Variants in MYH7 observed in about 807,000 individuals in gnomAD.
MYH7 encodes the protein myosin-7.
Under a neutral mutation model 225.4 loss-of-function variants are expected in MYH7, and 129 were observed. That is an observed-to-expected ratio of 0.57 (90% CI 0.50 to 0.66). The LOEUF (loss-of-function observed/expected upper bound fraction) is 0.66, where lower values mean the gene tolerates loss of function less well. Ranked by LOEUF, MYH7 falls within the 30% of genes least tolerant of loss-of-function variation. MYH7 has a pLI of 0.00. For synonymous variants in MYH7, 971 were observed against 1,007.6 expected, an observed-to-expected ratio of 0.96 and a Z score of 0.69; for missense variants, 1,649 against 2,517.0, an observed-to-expected ratio of 0.66 and a Z score of 7.38.
rs1595084560 is a variant in MYH7, at chr14:23,426,842, G to T, written c.1979C>A (p.Thr660Asn). 6.2e-7 allele frequency: 1 copy of T among 1,614,048 alleles called. No homozygotes were observed. Among genetic ancestry groups the T allele is most frequent in the Non-Finnish European group, 8.5e-7 (1 of 1,180,012 alleles). The change falls in exon 18 of 40, where the codon ACC becomes AAC. Residue 660 changes from threonine (T) to asparagine (N), a missense_variant. Thr to Asn is a moderately conservative substitution (Grantham distance 65). Around this residue, in one of 12 missense-constraint regions of MYH7, gnomAD observed 112 missense variants for 161.9 expected, o/e 0.69. Coordinates refer to ENST00000355349, the MANE Select transcript of MYH7 (RefSeq NM_000257.4). ...GTGGGGATGGGTGGAGCGCAAGTTG[G>T]TCATCAGCTTGTTCAGATTTTCCTG... ...LHRENLNKLM[T>N]NLRSTHPHFV...
Position 23,419,975 on chromosome 14 carries a change from C to G in MYH7, c.3596G>C (p.Ser1199Thr), listed in dbSNP as rs1341157676. ...GATCTGCTCGCCCAGCTCGGCCACG[C>G]TGTCGGCGTGCTTCTTGCGCAGGGC... ...AAALRKKHAD[S>T]VAELGEQIDN... The change falls in exon 27 of 40, where the codon AGC becomes ACC. Residue 1199 changes from serine to threonine, a missense_variant. Ser to Thr is a moderately conservative substitution (Grantham distance 58). Transcript: ENST00000355349. 1 of 1,605,784 alleles carries G rather than the reference C, an allele frequency of 6.2e-7. No individual in the cohort carries two copies. Among genetic ancestry groups the G allele is most frequent in the South Asian group, 1.1e-5 (1 of 90,882 alleles).
chr14:23,431,357 G>A (rs1283607483), intron 9 of MYH7, 61 bp downstream of exon 9: 3 of 1,531,722 alleles, frequency 2.0e-6, no homozygotes, highest in Non-Finnish European at 2.7e-6. Context: ...GAGAGGTCAA[G>A]ACCAGATGGT....
At chr14:23,423,747 C>T (rs1388303761) in intron 23 of MYH7, 24 bp from the exon 24 acceptor site, 1 of 1,613,874 alleles carries the variant, frequency 6.2e-7, no homozygotes, top group Non-Finnish European at 8.5e-7. Flanking sequence ...ATCCCATCTC[C>T]TTTAGGGTCA....
chr14:23,422,477 A>G (rs1892513634), intron 24 of MYH7, 152 bp from the exon 25 acceptor site: 1 of 971,414 alleles, frequency 1.0e-6, no homozygotes, highest in Non-Finnish European at 1.6e-6. Flanking sequence ...GGACTGTGAG[A>G]TTGCCTAGAT....
chr14:23,429,468 G>T, intron 12 of MYH7, 121 bp from the exon 13 acceptor site: 4 of 1,044,584 alleles, frequency 3.8e-6, no homozygotes, highest in Non-Finnish European at 5.8e-6. Flanking sequence ...TTGAGGTCAG[G>T]AGTTTGAGAC....
Position 23,412,834 on chromosome 14 carries a change from C to T in MYH7, c.*20G>A, listed in dbSNP as rs45548631. On this transcript the variant is annotated 3_prime_UTR_variant, in exon 40 of 40. Transcript: ENST00000355349. The stretch of plus-strand genomic sequence containing the variant: ...CTTTGCTGGCACCTCCAGGGCTGAG[C>T]AGATCAAGATGTGGCAAAGCTACTC... 6.5e-3 allele frequency: 10,536 copies of T among 1,613,934 alleles called. 46 individuals are homozygous for T. Among genetic ancestry groups the T allele is most frequent in the Non-Finnish European group, 8.1e-3 (9,593 of 1,179,850 alleles).
Position 23,433,337 on chromosome 14 carries a change from C to T in MYH7, c.202-110G>A, listed in dbSNP as rs568980149. 2.1e-5 allele frequency: 32 copies of T among 1,535,226 alleles called. No individual in the cohort carries two copies. In the African/African-American group the frequency reaches 3.7e-4, roughly 18 times the overall value. ...GCAATAGTGCTCAAGAGAGAAGGAA[C>T]CAGGATCTCACAGGGAAGACAGAAG... On this transcript the variant is annotated intron_variant, in intron 3 of 39. Coordinates refer to ENST00000355349, the MANE Select transcript of MYH7 (RefSeq NM_000257.4). This position sits in a 1 kb window ranked among gnomAD's most constrained non-coding sequence, Gnocchi z 4.1.
At chr14:23,428,357 A>G in intron 15 of MYH7, 143 bp downstream of exon 15, 3 of 1,383,020 alleles carry the variant, frequency 2.2e-6, no homozygotes, top group Non-Finnish European at 3.0e-6. Context: ...GCTCAGCACA[A>G]CATAGGCTCT....
chr14:23,422,461 AT>A, intron 24 of MYH7, 136 bp from the exon 25 acceptor site: 1 of 1,128,768 alleles, frequency 8.9e-7, no homozygotes, highest in Non-Finnish European at 1.3e-6. Context: ...GCCAAATGTT[AT>A]TAGGGGACTG....
rs1171156341 is a variant in MYH7, at chr14:23,412,851, A to T, written c.*3T>A. ...GGGCTGAGCAGATCAAGATGTGGCA[A>T]AGCTACTCCTCATTCAAGCCCTTTT... On this transcript the variant is annotated 3_prime_UTR_variant, in exon 40 of 40. Transcript: ENST00000355349. 6.2e-7 allele frequency: 1 copy of T among 1,614,110 alleles called. No individual in the cohort carries two copies. Among genetic ancestry groups the T allele is most frequent in the Non-Finnish European group, 8.5e-7 (1 of 1,179,992 alleles).
intron 24 of MYH7, 122 bp from the exon 25 acceptor site, chr14:23,422,447 G>C: frequency 3.7e-6 from 5 of 1,347,474 alleles, no homozygotes; most frequent in Non-Finnish European, 5.2e-6. Context: ...CTTCCCCAGA[G>C]TGGGCCAAAT....
Position 23,432,715 on chromosome 14 carries a change from G to A in MYH7, c.426C>T (p.Tyr142=). ...GGGCCTCGCTCCTCTTCTTGCCCCG[G>A]TAGGCAGCCACCACCTCAGGAGTGT... The part of the protein sequence containing the change: ...PVYTPEVVAA[Y]RGKKRSEAPP... The change falls in exon 5 of 40, where the codon TAC becomes TAT. Residue 142 remains tyrosine, a synonymous_variant. Coordinates refer to ENST00000355349, the MANE Select transcript of MYH7 (RefSeq NM_000257.4). 1 of 1,614,194 alleles carries A rather than the reference G, an allele frequency of 6.2e-7. No homozygotes were observed. Among genetic ancestry groups the A allele is most frequent in the Non-Finnish European group, 8.5e-7 (1 of 1,180,030 alleles).
intron 30 of MYH7, 135 bp from the exon 31 acceptor site, chr14:23,417,821 C>G: frequency 7.9e-7 from 1 of 1,265,832 alleles, no homozygotes; most frequent in Non-Finnish European, 1.1e-6. Context: ...GGACAGGTCC[C>G]AGGGGCCGAG....
At chr14:23,418,981 G>A (rs1434121405) in intron 29 of MYH7, among the ~76,000 whole-genome samples, 196 bp downstream of exon 29, 1 of 152,172 alleles carries the variant, frequency 6.6e-6, no homozygotes, top group Non-Finnish European at 1.5e-5. Flanking sequence ...TCCCGTCCAG[G>A]GATGCAGCAG....
rs568420876 is a variant in MYH7, at chr14:23,426,682, A to G, written c.2044+95T>C. ...GGGAGGAGAAGAATGTGGTTTGGAA[A>G]CCACTGTGGTGGTAGGTAGGGAGAT... is the stretch of plus-strand genomic sequence containing the variant. On this transcript the variant is annotated intron_variant, in intron 18 of 39. Coordinates refer to ENST00000355349, the MANE Select transcript of MYH7 (RefSeq NM_000257.4). The G allele has an allele frequency of 1.0e-4, 124 of 1,193,938 alleles. No homozygotes were observed. In the African/African-American group the frequency reaches 1.6e-3, roughly 16 times the overall value. 74.0% of individuals were successfully genotyped at this position (1,193,938 alleles called of 1,614,324 possible).
At position 23,415,986 on chromosome 14, in the gene MYH7, T is replaced by A; in HGVS notation, c.4953+18A>T. The stretch of plus-strand genomic sequence containing the variant: ...CTTCGCCAGGCCACGTGGAGGCCAG[T>A]CCCCTCTGGGTGAGTACCTTCAACA... On this transcript the variant is annotated intron_variant, in intron 34 of 39. Coordinates refer to ENST00000355349, the MANE Select transcript of MYH7 (RefSeq NM_000257.4). This position sits in a 1 kb window ranked among gnomAD's most constrained non-coding sequence, Gnocchi z 6.3. 6.2e-7 allele frequency: 1 copy of A among 1,614,096 alleles called. No individual in the cohort carries two copies. Among genetic ancestry groups the A allele is most frequent in the East Asian group, 2.2e-5 (1 of 44,884 alleles).
At chr14:23,418,463 C>T (rs936881016) in intron 29 of MYH7, 57 bp from the exon 30 acceptor site, 6 of 1,530,778 alleles carry the variant, frequency 3.9e-6, no homozygotes, top group African/African-American at 1.4e-5. Flanking sequence ...AGCAACCCCA[C>T]CCTTGCCCTT....
intron 30 of MYH7, 46 bp downstream of exon 30, chr14:23,418,164 G>A (rs1892305226): frequency 1.2e-6 from 2 of 1,612,750 alleles, no homozygotes; most frequent in Non-Finnish European, 8.5e-7. Context: ...GCTGAGTCCT[G>A]CCTGCAAAGG....
At chr14:23,424,425 C>T (rs1892611320) in intron 22 of MYH7, among the ~76,000 whole-genome samples, 1 of 152,180 alleles carries the variant, frequency 6.6e-6, no homozygotes, top group Non-Finnish European at 1.5e-5. Context: ...TTTGCTGATG[C>T]CAAGCACTTA....
Sources: allele counts gnomAD v4.1 joint callset (sites outside exome capture counted in the v4.1 genomes callset), GRCh38; gene constraint gnomAD v4.1.1; regional missense constraint gnomAD v4.1.1; non-coding constraint Gnocchi (gnomAD v3.1); transcripts MANE v1.5; gene names NCBI Gene and HGNC (gene_info 2026-07-23, HGNC 2026-07-21).